The following ADAMTS18 variants were observed in gnomAD, a reference collection of about 807,000 sequenced individuals.
ADAMTS18 encodes ADAM metallopeptidase with thrombospondin type 1 motif 18, also known as A disintegrin and metalloproteinase with thrombospondin motifs 18.
In ADAMTS18, 157 loss-of-function variants were observed where a neutral mutation model predicts 165.9. The observed-to-expected ratio is 0.95, with a 90% confidence interval of 0.83 to 1.08. The LOEUF is 1.08. Ranked by LOEUF, ADAMTS18 falls within the 50% of genes least tolerant of loss-of-function variation. The pLI, the probability that ADAMTS18 is intolerant of heterozygous loss-of-function variation, is 0.00. For missense variants in ADAMTS18, 2,040 were observed against 1,534.0 expected (o/e 1.33, Z -5.51); for synonymous variants, 782 against 578.2 (o/e 1.35, Z -5.06).
chr16:77,355,925 T>C lies in ADAMTS18; in HGVS notation c.1460+15A>G. ...CTCCAAACCTAGGAGCACCCCAGGATTTAACCTGTCATACCTGAGGAATTT... is the reference window on the plus strand; with the variant it reads ...CTCCAAACCTAGGAGCACCCCAGGACTTAACCTGTCATACCTGAGGAATTT... On this transcript the variant is annotated intron_variant, in intron 9 of 22. Transcript: ENST00000282849. The C allele has an allele frequency of 6.2e-7, 1 of 1,613,918 alleles. No individual in the cohort carries two copies. The highest frequency in any genetic ancestry group is 8.5e-7 in the Non-Finnish European group (1 of 1,179,846).
chr16:77,354,940 T>A (rs150922116), intron 9 of ADAMTS18, among the ~76,000 whole-genome samples: 2 of 152,186 alleles, frequency 1.3e-5, no homozygotes, highest in African/African-American at 4.8e-5. Context: ...AAAATCTTCA[T>A]GGCAAAGCTT....
At chr16:77,351,292 C>T (rs1328050481) in intron 10 of ADAMTS18, among the ~76,000 whole-genome samples, 1 of 152,214 alleles carries the variant, frequency 6.6e-6, no homozygotes, top group Non-Finnish European at 1.5e-5. Flanking sequence ...CTCACCTTCC[C>T]TGTCCTTGTT....
chr16:77,313,813 C>A (rs905195999), intron 16 of ADAMTS18, among the ~76,000 whole-genome samples: 1 of 151,904 alleles, frequency 6.6e-6, no homozygotes, highest in African/African-American at 2.4e-5. Flanking sequence ...ACCTTCAAGC[C>A]GAAAAAGCCC....
intron 3 of ADAMTS18, among the ~76,000 whole-genome samples, chr16:77,427,351 C>T (rs2144860195): frequency 6.6e-6 from 1 of 152,220 alleles, no homozygotes; most frequent in Middle Eastern, 3.4e-3. Context: ...TGTTGGAAGA[C>T]AAAATTAAGA....
intron 16 of ADAMTS18, among the ~76,000 whole-genome samples, chr16:77,307,943 C>T (rs1312655027): frequency 4.6e-5 from 7 of 152,154 alleles, no homozygotes; most frequent in African/African-American, 1.7e-4. Context: ...TGGTCCCCAC[C>T]ACCCTGTCAT....
rs1266791935 is a variant in ADAMTS18 at position 77,299,112 on chromosome 16, TAATCTGTGACTAAATG to T, written c.2674+1135_2674+1150del. ...AACACTGGATATGAGAAAGACCTCA[TAATCTGTGACTAAATG>T]AAACAGTGTGAAGAGATGTCTATAA... On this transcript the variant is annotated intron_variant, in intron 17 of 22. Coordinates refer to ENST00000282849, the MANE Select transcript of ADAMTS18 (RefSeq NM_199355.4). Among the ~76,000 whole-genome samples the T allele has an allele frequency of 2.6e-5, 4 of 152,330 alleles. No individual in the cohort carries two copies. In the East Asian group the frequency reaches 7.7e-4, roughly 29 times the overall value.
Position 77,434,587 on chromosome 16 carries a change from T to C in ADAMTS18, c.90+19A>G. The C allele has an allele frequency of 6.5e-7, 1 of 1,527,638 alleles. No homozygotes were observed. Among genetic ancestry groups the C allele is most frequent in the Non-Finnish European group, 8.8e-7 (1 of 1,142,544 alleles). 94.6% of individuals were successfully genotyped at this position (1,527,638 alleles called of 1,614,324 possible). On this transcript the variant is annotated intron_variant, in intron 1 of 22. Coordinates refer to ENST00000282849, the MANE Select transcript of ADAMTS18 (RefSeq NM_199355.4). The stretch of plus-strand genomic sequence containing the variant: ...GCCCCCTGCCACCCGCTCTCGGAGC[T>C]CCGCTCGGCGGCACCTGCCTTGGCC...
At chr16:77,424,468 CAAAA>C (rs4038057) in intron 3 of ADAMTS18, among the ~76,000 whole-genome samples, 1 of 107,752 alleles carries the variant, frequency 9.3e-6, no homozygotes, top group Non-Finnish European at 1.9e-5. Context: ...AACTCCATCT[CAAAA>C]AAAAAAAAAA....
At chr16:77,329,735 A>G (rs756131705) in intron 12 of ADAMTS18, among the ~76,000 whole-genome samples, 16 of 152,204 alleles carry the variant, frequency 1.1e-4, no homozygotes, top group Non-Finnish European at 1.9e-4. Context: ...CCATAAAAAT[A>G]TAGGCAATAT....
chr16:77,286,997 C>A (rs1282955715), intron 22 of ADAMTS18, among the ~76,000 whole-genome samples: 1 of 152,148 alleles, frequency 6.6e-6, no homozygotes, highest in Non-Finnish European at 1.5e-5. Flanking sequence ...GACTGGCACT[C>A]AGTATGGGCA....
At chr16:77,376,683 A>G (rs1345090854) in intron 3 of ADAMTS18, among the ~76,000 whole-genome samples, 1 of 152,052 alleles carries the variant, frequency 6.6e-6, no homozygotes, top group Non-Finnish European at 1.5e-5. Context: ...AATTAAATTG[A>G]TTCTGACCCA....
intron 10 of ADAMTS18, among the ~76,000 whole-genome samples, chr16:77,352,360 A>G (rs1567505678): frequency 6.6e-6 from 1 of 152,188 alleles, no homozygotes; most frequent in Non-Finnish European, 1.5e-5. Flanking sequence ...AACACTAGTA[A>G]TAGTGACTGG....
intron 4 of ADAMTS18, among the ~76,000 whole-genome samples, chr16:77,366,910 G>C (rs898466687): frequency 1.3e-5 from 2 of 151,984 alleles, no homozygotes; most frequent in African/African-American, 2.4e-5. Flanking sequence ...TTTAAAACTT[G>C]TGGCTATTAG....
At chr16:77,429,460 G>A (rs1050575250) in intron 3 of ADAMTS18, among the ~76,000 whole-genome samples, 10 of 152,098 alleles carry the variant, frequency 6.6e-5, no homozygotes, top group Non-Finnish European at 1.5e-4. Context: ...GAAGATAGAG[G>A]AACAGAAAAG....
rs199895858 is a variant in ADAMTS18 at position 77,364,326 on chromosome 16, G to A, written c.834C>T (p.Ser278=). Residue 278 remains serine (S), a synonymous_variant, in exon 5 of 23, where the codon AGC becomes AGT. Transcript: ENST00000282849. The part of the protein sequence containing the change: ...DTYLRFDEYG[S]SGRPRRSAGK... ...CAGCTGATCTTCTGGGTCGCCCAGA[G>A]CTCCCATATTCATCAAACCTTAGAT... 2.9e-5 allele frequency: 46 copies of A among 1,613,900 alleles called. No homozygotes were observed. The East Asian group carries it at 9.6e-4, about 34-fold the overall frequency.
At chr16:77,338,076 G>C (rs1381220015) in intron 11 of ADAMTS18, among the ~76,000 whole-genome samples, 1 of 152,000 alleles carries the variant, frequency 6.6e-6, no homozygotes, top group East Asian at 1.9e-4. Context: ...GCTAATTTTT[G>C]TATTTTTAGC....
chr16:77,407,268 G>A (rs947918835), intron 3 of ADAMTS18, among the ~76,000 whole-genome samples: 5 of 151,886 alleles, frequency 3.3e-5, no homozygotes, highest in South Asian at 2.1e-4. Context: ...AAACAGGCAC[G>A]AATAACAATC....
rs1324096871 is a variant in ADAMTS18 at position 77,367,570 on chromosome 16, A to G, written c.649T>C (p.Tyr217His). 5 of 1,614,244 alleles carry G rather than the reference A, an allele frequency of 3.1e-6. No individual in the cohort carries two copies. The South Asian group carries it at 5.5e-5, about 18-fold the overall frequency. Residue 217 changes from tyrosine (Y) to histidine (H), a missense_variant, in exon 4 of 23, where the codon TAC becomes CAC. Physicochemically the swap from Tyr to His is moderately conservative, Grantham distance 83. Transcript: ENST00000282849. Reference protein sequence around the residue: ...AEEKIQRYRGYPGSGRNYPGY... With the variant: ...AEEKIQRYRGHPGSGRNYPGY... The stretch of plus-strand genomic sequence containing the variant: ...GGATAATTCCGGCCAGAGCCGGGGT[A>G]GCCACGGTACCGCTGGATCTTCTCC...
At chr16:77,415,726 A>C (rs2057521851) in intron 3 of ADAMTS18, among the ~76,000 whole-genome samples, 1 of 32,424 alleles carries the variant, frequency 3.1e-5, no homozygotes. Context: ...CTGGGTAGGC[A>C]AAAAAAAAAA....
Sources: allele counts gnomAD v4.1 joint callset (sites outside exome capture counted in the v4.1 genomes callset), GRCh38; gene constraint gnomAD v4.1.1; transcripts MANE v1.5; gene names NCBI Gene and HGNC (gene_info 2026-07-23, HGNC 2026-07-21).